Variants in CHSY1 observed in about 807,000 individuals in gnomAD.
CHSY1 encodes N-acetylgalactosaminyl-proteoglycan 3-beta-glucuronosyltransferase 1.
CHSY1 carries 13 observed loss-of-function variants against 59.8 expected under a neutral mutation model. The ratio of observed to expected loss-of-function variants is 0.22; its 90% CI spans 0.14 to 0.35. The LOEUF (loss-of-function observed/expected upper bound fraction) is 0.35. CHSY1 is among the 10% of genes least tolerant of loss of function. The pLI is 1.00. For synonymous variants in CHSY1, 459 were observed against 401.2 expected (o/e 1.14, Z -1.72); for missense variants, 947 against 1,030.6 (o/e 0.92, Z 1.11).
At chr15:101,234,933 T>G in intron 2 of CHSY1, 149 bp downstream of exon 2, 1 of 1,009,280 alleles carries the variant, frequency 9.9e-7, no homozygotes, top group Non-Finnish European at 1.5e-6. Context: ...GAACTGAATT[T>G]TTTTTTTAAT....
At chr15:101,209,653 G>A (rs769239682) in intron 2 of CHSY1, among the ~76,000 whole-genome samples, 2 of 152,162 alleles carry the variant, frequency 1.3e-5, no homozygotes, top group Non-Finnish European at 2.9e-5. Flanking sequence ...TTTGCATGAA[G>A]TCAGCAGAGG....
intron 2 of CHSY1, among the ~76,000 whole-genome samples, chr15:101,234,737 C>A (rs2038923799): frequency 6.6e-6 from 1 of 152,108 alleles, no homozygotes; most frequent in African/African-American, 2.4e-5. Flanking sequence ...CGTGGTGGCG[C>A]CTGCCTATAA....
Position 101,251,563 on chromosome 15 carries a change from C to T in CHSY1, c.-107G>A, listed in dbSNP as rs1423787830. On this transcript the variant is annotated 5_prime_UTR_variant, in exon 1 of 3. Transcript: ENST00000254190. ...CCGCCCTAGCGCCGCGAGGCCCGGC[C>T]CGGGCAGCGCCGCCGCCGCCGCGGG... is the stretch of plus-strand genomic sequence containing the variant. 2.6e-5 allele frequency: 4 copies of T among 155,172 alleles called. No homozygotes were observed. The highest frequency in any genetic ancestry group is 5.3e-5 in the Non-Finnish European group (4 of 74,954). The allele number at this position is 155,172 out of a possible 1,614,324, so 9.6% of individuals were successfully genotyped here. A position where few individuals can be genotyped will look rare whatever the true frequency, so the allele number is the denominator to read the frequency against.
intron 1 of CHSY1, among the ~76,000 whole-genome samples, chr15:101,250,086 A>C (rs576890159): frequency 6.6e-5 from 10 of 152,276 alleles, no homozygotes; most frequent in African/African-American, 2.2e-4. Flanking sequence ...GCATTTAAAA[A>C]CTGAAGTGTA....
intron 1 of CHSY1, among the ~76,000 whole-genome samples, chr15:101,239,887 G>C (rs2038985806): frequency 6.6e-6 from 1 of 152,146 alleles, no homozygotes; most frequent in African/African-American, 2.4e-5. Context: ...TGCTTCCCGT[G>C]TACCCCACCA....
At chr15:101,194,795 G>A (rs1160624906) in intron 2 of CHSY1, among the ~76,000 whole-genome samples, 1 of 152,186 alleles carries the variant, frequency 6.6e-6, no homozygotes, top group Non-Finnish European at 1.5e-5. Flanking sequence ...GTTGGGTTGG[G>A]AGAAGGGAGA....
At position 101,177,234 on chromosome 15, in the gene CHSY1, T is replaced by C; in HGVS notation, c.*154A>G. Reference sequence around the variant, plus strand: ...GTTCAAAGGCAAACACTGATCACCTTCTTGTTCAGAAAGCTCAATCTTAAA... The same window carrying C: ...GTTCAAAGGCAAACACTGATCACCTCCTTGTTCAGAAAGCTCAATCTTAAA... On this transcript the variant is annotated 3_prime_UTR_variant, in exon 3 of 3. Transcript: ENST00000254190. 3.0e-6 allele frequency: 2 copies of C among 670,674 alleles called. No individual in the cohort carries two copies. The highest frequency in any genetic ancestry group is 5.5e-5 in the East Asian group (2 of 36,062). 41.5% of individuals were successfully genotyped at this position (670,674 alleles called of 1,614,324 possible). A position where few individuals can be genotyped will look rare whatever the true frequency, so the allele number is the denominator to read the frequency against.
Position 101,251,303 on chromosome 15 carries a change from G to A in CHSY1, c.154C>T (p.Gln52Ter). The change falls in exon 1 of 3, where the codon CAG becomes TAG. Residue 52 changes from glutamine (Q) to a stop codon, truncating the protein, a stop_gained. Coordinates refer to ENST00000254190, the MANE Select transcript of CHSY1 (RefSeq NM_014918.5). LOFTEE classifies it high-confidence loss of function. Reference sequence around the variant, plus strand: ...CCGCCGGCCTGGGAAGCCGCCGCCTGCCCGGACCGGCAGCCCTCGGGGCTG... The same window carrying A: ...CCGCCGGCCTGGGAAGCCGCCGCCTACCCGGACCGGCAGCCCTCGGGGCTG... ...RASPEGCRSG[Q>*]AAASQAGGAR... The A allele has an allele frequency of 8.5e-7, 1 of 1,176,056 alleles. No homozygotes were observed. The highest frequency in any genetic ancestry group is 1.0e-6 in the Non-Finnish European group (1 of 954,078). The allele number at this position is 1,176,056 out of a possible 1,614,324, so 72.9% of individuals were successfully genotyped here. A position where few individuals can be genotyped will look rare whatever the true frequency, so the allele number is the denominator to read the frequency against.
chr15:101,251,759 G>C lies in CHSY1; in HGVS notation c.-303C>G, dbSNP rs1221822848. 6.7e-6 allele frequency: 1 copy of C among 149,458 alleles called. No individual in the cohort carries two copies. The highest frequency in any genetic ancestry group is 2.0e-4 in the East Asian group (1 of 5,076). The allele number at this position is 149,458 out of a possible 1,614,324, so 9.3% of individuals were successfully genotyped here. Reference sequence around the variant, plus strand: ...GCGGCGGCTCCTCCCGCTCGCGCGCGGGGACGCGGGGCCGGCACGACGGCG... The same window carrying C: ...GCGGCGGCTCCTCCCGCTCGCGCGCCGGGACGCGGGGCCGGCACGACGGCG... On this transcript the variant is annotated 5_prime_UTR_variant, in exon 1 of 3. Transcript: ENST00000254190.
rs147152103 is a variant in CHSY1 at position 101,235,325 on chromosome 15, G to A, written c.573C>T (p.Ser191=). 9.4e-5 allele frequency: 152 copies of A among 1,614,166 alleles called. No homozygotes were observed. The African/African-American group carries it at 1.8e-3, about 19-fold the overall frequency. The change falls in exon 2 of 3, where the codon AGC becomes AGT. Residue 191 remains serine, a synonymous_variant. Coordinates refer to ENST00000254190, the MANE Select transcript of CHSY1 (RefSeq NM_014918.5). ...LENFLRSLNS[S]EPLFLGQTGL... ...CTGTCTGCCCAAGAAAGAGGGGCTC[G>A]CTGCTGTTCAAACTCCTCAGGAAGT...
chr15:101,251,418 C>G lies in CHSY1; in HGVS notation c.39G>C (p.Leu13=), dbSNP rs764100516. 3.5e-6 allele frequency: 4 copies of G among 1,131,500 alleles called. No individual in the cohort carries two copies. The highest frequency in any genetic ancestry group is 1.7e-5 in the African/African-American group (1 of 59,582). 70.1% of individuals were successfully genotyped at this position (1,131,500 alleles called of 1,614,324 possible). ...ARGRRAWLSV[L]LGLVLGFVLA... ...GCACGAAGCCCAGGACGAGCCCGAGCAGCACGCTGAGCCAGGCGCGCCGGC... is the reference window on the plus strand; with the variant it reads ...GCACGAAGCCCAGGACGAGCCCGAGGAGCACGCTGAGCCAGGCGCGCCGGC... Residue 13 remains leucine, a synonymous_variant, in exon 1 of 3, where the codon CTG becomes CTC. Transcript: ENST00000254190.
intron 2 of CHSY1, among the ~76,000 whole-genome samples, chr15:101,191,333 C>T (rs560161111): frequency 6.6e-5 from 10 of 152,304 alleles, no homozygotes; most frequent in African/African-American, 1.7e-4. Context: ...ACATACTGTA[C>T]GATTCCAACT....
chr15:101,195,363 C>G (rs775486532), intron 2 of CHSY1, among the ~76,000 whole-genome samples: 4 of 152,172 alleles, frequency 2.6e-5, no homozygotes, highest in Non-Finnish European at 5.9e-5. Context: ...TAAAACCAAG[C>G]TATCCTACTA....
chr15:101,234,893 C>T (rs181595173), intron 2 of CHSY1, among the ~76,000 whole-genome samples, 189 bp downstream of exon 2: 54 of 151,458 alleles, frequency 3.6e-4, no homozygotes, highest in African/African-American at 9.8e-4. Flanking sequence ...AGAAGATATG[C>T]GCTCAAAGCC....
intron 2 of CHSY1, among the ~76,000 whole-genome samples, chr15:101,229,617 A>G (rs930979862): frequency 6.6e-6 from 1 of 152,206 alleles, no homozygotes; most frequent in Admixed American, 6.5e-5. Context: ...ATAACATTAG[A>G]GACTTCTGAC....
chr15:101,188,406 C>T (rs1019457501), intron 2 of CHSY1, among the ~76,000 whole-genome samples: 1 of 152,226 alleles, frequency 6.6e-6, no homozygotes, highest in African/African-American at 2.4e-5. Flanking sequence ...ATAATCAGGC[C>T]GAGACCACCA....
At chr15:101,204,077 A>C (rs2038600270) in intron 2 of CHSY1, among the ~76,000 whole-genome samples, 2 of 152,160 alleles carry the variant, frequency 1.3e-5, no homozygotes, top group East Asian at 1.9e-4. Context: ...TGTTCTTAGG[A>C]AATACATACT....
At chr15:101,235,634 A>G (rs2038933918) in intron 1 of CHSY1, 57 bp from the exon 2 acceptor site, 1 of 1,560,840 alleles carries the variant, frequency 6.4e-7, no homozygotes, top group African/African-American at 1.4e-5. Context: ...GATTTTCAGG[A>G]ATTCACGTTA....
chr15:101,220,630 A>T (rs1364760376), intron 2 of CHSY1, among the ~76,000 whole-genome samples: 1 of 152,190 alleles, frequency 6.6e-6, no homozygotes, highest in Non-Finnish European at 1.5e-5. Flanking sequence ...AGCAGAGCAG[A>T]GGGACCCTCT....
Sources: gnomAD v4.1 joint callset for allele counts (sites outside exome capture counted in the v4.1 genomes callset) on GRCh38, gnomAD v4.1.1 for gene constraint, MANE v1.5 for transcripts, NCBI Gene and HGNC (gene_info 2026-07-23, HGNC 2026-07-21) for gene names.